Variants in MNAT1 observed in about 807,000 individuals in gnomAD.
The protein encoded by MNAT1 is CDK-activating kinase assembly factor MAT1.
MNAT1 carries 43 observed loss-of-function variants against 42.0 expected under a neutral mutation model. That is an observed-to-expected ratio of 1.02 (90% CI 0.80 to 1.32). The LOEUF is 1.32. Ranked by LOEUF, MNAT1 falls within the 40% of genes most tolerant of loss-of-function variation. The pLI, the probability that MNAT1 is intolerant of heterozygous loss-of-function variation, is 0.00. For missense variants in MNAT1, 306 were observed against 350.4 expected (o/e 0.87, Z 1.01); for synonymous variants, 118 against 120.0 (o/e 0.98, Z 0.11).
At chr14:60,963,139 G>A (rs1402380274) in intron 7 of MNAT1, among the ~76,000 whole-genome samples, 2 of 151,910 alleles carry the variant, frequency 1.3e-5, no homozygotes, top group South Asian at 2.1e-4. Context: ...GTGCCACCAC[G>A]CCCGGCTAAT....
intron 6 of MNAT1, among the ~76,000 whole-genome samples, chr14:60,879,389 T>A (rs956704338): frequency 1.3e-5 from 2 of 152,226 alleles, no homozygotes; most frequent in African/African-American, 4.8e-5. Flanking sequence ...GCATAGTTTT[T>A]AAATAATATG....
chr14:60,907,782 C>CT (rs1491360282), intron 7 of MNAT1, among the ~76,000 whole-genome samples: 2 of 77,574 alleles, frequency 2.6e-5, no homozygotes, highest in Non-Finnish European at 4.6e-5. Flanking sequence ...AACTGTGTCT[C>CT]AAAAAAAAAA....
At chr14:60,916,571 C>T (rs556012651) in intron 7 of MNAT1, among the ~76,000 whole-genome samples, 1 of 152,310 alleles carries the variant, frequency 6.6e-6, no homozygotes, top group Admixed American at 6.5e-5. Context: ...GGGAGGATCA[C>T]TTGAGCCTAG....
intron 7 of MNAT1, among the ~76,000 whole-genome samples, chr14:60,907,384 G>C (rs1245793344): frequency 1.5e-5 from 2 of 135,382 alleles, no homozygotes; most frequent in Non-Finnish European, 3.0e-5. Context: ...AGTGAGCTGA[G>C]ACCATGCCAT....
At chr14:60,864,808 T>G (rs2034169534) in intron 6 of MNAT1, among the ~76,000 whole-genome samples, 1 of 151,926 alleles carries the variant, frequency 6.6e-6, no homozygotes, top group South Asian at 2.1e-4. Flanking sequence ...GTATGTGCAT[T>G]TGGTTTGGGG....
At chr14:60,787,308 G>A (rs554585592) in intron 1 of MNAT1, among the ~76,000 whole-genome samples, 1 of 152,288 alleles carries the variant, frequency 6.6e-6, no homozygotes, top group Non-Finnish European at 1.5e-5. Flanking sequence ...TATATTAAGT[G>A]TACAATATCA....
At chr14:60,939,828 G>A (rs1414197138) in intron 7 of MNAT1, among the ~76,000 whole-genome samples, 2 of 152,132 alleles carry the variant, frequency 1.3e-5, no homozygotes, top group African/African-American at 4.8e-5. Context: ...CGTTGAGAGT[G>A]GGGTGTTAAA....
intron 7 of MNAT1, among the ~76,000 whole-genome samples, chr14:60,908,496 C>G (rs540113531): frequency 5.9e-5 from 9 of 151,616 alleles, no homozygotes; most frequent in Non-Finnish European, 1.0e-4. Flanking sequence ...CAACAGGCCC[C>G]GGTGTGTGAT....
chr14:60,926,127 A>G (rs2035758678), intron 7 of MNAT1, among the ~76,000 whole-genome samples: 1 of 152,220 alleles, frequency 6.6e-6, no homozygotes, highest in Non-Finnish European at 1.5e-5. Context: ...AGGTAAACTC[A>G]TTACCTCAGA....
intron 1 of MNAT1, among the ~76,000 whole-genome samples, chr14:60,756,711 A>C (rs537308590): frequency 7.9e-5 from 12 of 152,198 alleles, no homozygotes; most frequent in Non-Finnish European, 7.4e-5. Context: ...TTCTGGCTAT[A>C]TACCTGTGGC....
chr14:60,764,594 G>C (rs2030738214), intron 1 of MNAT1, among the ~76,000 whole-genome samples: 1 of 152,168 alleles, frequency 6.6e-6, no homozygotes, highest in Non-Finnish European at 1.5e-5. Flanking sequence ...ATGGTAAATT[G>C]AGAGGATTTG....
chr14:60,847,862 G>A (rs918345376), intron 6 of MNAT1, among the ~76,000 whole-genome samples: 1 of 151,952 alleles, frequency 6.6e-6, no homozygotes, highest in African/African-American at 2.4e-5. Flanking sequence ...TTCCTCTCCT[G>A]GAGAGTGCCA....
chr14:60,887,680 A>G (rs1297690680), intron 7 of MNAT1, among the ~76,000 whole-genome samples: 1 of 152,044 alleles, frequency 6.6e-6, no homozygotes, highest in Non-Finnish European at 1.5e-5. Context: ...GAAAGGATCC[A>G]CAAAATTGAT....
chr14:60,881,443 C>G (rs973470022), intron 7 of MNAT1, among the ~76,000 whole-genome samples: 1 of 152,090 alleles, frequency 6.6e-6, no homozygotes, highest in Non-Finnish European at 1.5e-5. Flanking sequence ...CCTTGGCCCC[C>G]CAAAAGTGCT....
chr14:60,780,412 G>A, intron 1 of MNAT1: 1 of 1,567,882 alleles, frequency 6.4e-7, no homozygotes, highest in Non-Finnish European at 8.8e-7. Flanking sequence ...TGCCACTGTT[G>A]GAAGTTTCTT....
chr14:60,895,160 T>G (rs1212741797), intron 7 of MNAT1, among the ~76,000 whole-genome samples: 1 of 152,230 alleles, frequency 6.6e-6, no homozygotes, highest in Admixed American at 6.5e-5. Context: ...TACTTAGATA[T>G]GTGCCAAAGT....
intron 7 of MNAT1, among the ~76,000 whole-genome samples, chr14:60,935,251 C>G (rs2035969084): frequency 6.6e-6 from 1 of 151,818 alleles, no homozygotes; most frequent in Non-Finnish European, 1.5e-5. Flanking sequence ...GTCACCTTCC[C>G]CACCTCTCTC....
chr14:60,795,033 A>C lies in MNAT1; in HGVS notation c.90-1184A>C, dbSNP rs548166011. On this transcript the variant is annotated intron_variant, in intron 1 of 7. Transcript: ENST00000261245. ...TAGGAGACAGAACACAGAAATAAAT[A>C]AGATGATGTCAGATATTGCCAACAA... Among the ~76,000 whole-genome samples the C allele has an allele frequency of 6.6e-5, 10 of 152,330 alleles. No individual in the cohort carries two copies. In the South Asian group the frequency reaches 2.1e-3, roughly 32 times the overall value.
chr14:60,803,005 T>G (rs1016363001), intron 3 of MNAT1, among the ~76,000 whole-genome samples: 2 of 150,820 alleles, frequency 1.3e-5, no homozygotes, highest in Admixed American at 1.3e-4. Context: ...CGATCTCGGC[T>G]CACTGCATCC....
Sources: gnomAD v4.1 joint callset for allele counts (sites outside exome capture counted in the v4.1 genomes callset) on GRCh38, gnomAD v4.1.1 for gene constraint, MANE v1.5 for transcripts, NCBI Gene and HGNC (gene_info 2026-07-23, HGNC 2026-07-21) for gene names.